PYGM: variants seen among roughly 807,000 people sequenced by gnomAD.
PYGM encodes glycogen phosphorylase, muscle associated.
A neutral mutation model predicts 99.3 loss-of-function variants in PYGM; 81 were observed. That is an observed-to-expected ratio of 0.82 (90% CI 0.68 to 0.98). PYGM has a LOEUF of 0.98. Ranked by LOEUF, PYGM falls within the 50% of genes least tolerant of loss-of-function variation. The pLI, the probability that PYGM is intolerant of heterozygous loss-of-function variation, is 0.00. For missense variants in PYGM, 1,030 were observed against 1,158.1 expected (o/e 0.89, Z 1.61); for synonymous variants, 436 against 451.5 (o/e 0.97, Z 0.44).
Position 64,752,458 on chromosome 11 carries a change from A to C in PYGM, c.1565T>G (p.Leu522Arg). The change falls in exon 13 of 20, where the codon CTG becomes CGG. Residue 522 changes from leucine (L) to arginine (R), a missense_variant. Leu to Arg is a moderately radical substitution (Grantham distance 102). Coordinates refer to ENST00000164139, the MANE Select transcript of PYGM (RefSeq NM_005609.4). Reference sequence around the variant, plus strand: ...AGCTTCATCATCCACAAAGGAGAGCAGTTTGCGCAGCTGGTCCAGGTCAGA... The same window carrying C: ...AGCTTCATCATCCACAAAGGAGAGCCGTTTGCGCAGCTGGTCCAGGTCAGA... The part of the protein sequence containing the change: ...FISDLDQLRK[L>R]LSFVDDEAFI... 1 of 1,614,254 alleles carries C rather than the reference A, an allele frequency of 6.2e-7. No individual in the cohort carries two copies. Among genetic ancestry groups the C allele is most frequent in the African/African-American group, 1.3e-5 (1 of 75,076 alleles).
rs764039101 is a variant in PYGM, at chr11:64,746,581, C to CCCTCT, written c.*73_*77dup. 1 of 1,579,220 alleles carries CCCTCT rather than the reference C, an allele frequency of 6.3e-7. No homozygotes were observed. The highest frequency in any genetic ancestry group is 8.7e-7 in the Non-Finnish European group (1 of 1,152,988). On this transcript the variant is annotated 3_prime_UTR_variant, in exon 20 of 20. Transcript: ENST00000164139. ...TTAGAGATCTAACTCCAGTACCCCA[C>CCCTCT]CCTCTGCATGAGGTGCTGGGGCTGG...
rs772653455 is a variant in PYGM, at chr11:64,757,904, C to T, written c.535G>A (p.Glu179Lys). 4.3e-5 allele frequency: 69 copies of T among 1,613,924 alleles called. No individual in the cohort carries two copies. The highest frequency in any genetic ancestry group is 4.1e-5 in the Non-Finnish European group (48 of 1,180,038). ...QKISGGWQME[E>K]ADDWLRYGNP... ...CCGTAGCGAAGCCAGTCATCGGCCT[C>T]CTCCATCTGCACCCAAGGCAGGTCA... The change falls in exon 5 of 20, where the codon GAG becomes AAG. Residue 179 changes from glutamate to lysine, a missense_variant. Physicochemically the swap from Glu to Lys is moderately conservative, Grantham distance 56. Transcript: ENST00000164139.
intron 16 of PYGM, 164 bp downstream of exon 16, chr11:64,751,161 G>A (rs985401245): frequency 2.5e-5 from 27 of 1,079,894 alleles, no homozygotes; most frequent in Non-Finnish European, 3.2e-5. Flanking sequence ...CAAAGTGCTG[G>A]GATTACAGGC....
At position 64,754,396 on chromosome 11, in the gene PYGM, T is replaced by C. The variant is rs761502605; in HGVS notation, c.1000-51A>G. ...GGGCTCCAAACCACATTCCATGCTA[T>C]GGTCACTGCCCTATGCCATTTGGAG... On this transcript the variant is annotated intron_variant, in intron 8 of 19. Coordinates refer to ENST00000164139, the MANE Select transcript of PYGM (RefSeq NM_005609.4). The surrounding 1 kb of genome is among the most constrained non-coding windows in gnomAD (Gnocchi z 5.5). 2 of 1,455,492 alleles carry C rather than the reference T, an allele frequency of 1.4e-6. No individual in the cohort carries two copies. The highest frequency in any genetic ancestry group is 2.3e-5 in the East Asian group (1 of 43,956). The allele number at this position is 1,455,492 out of a possible 1,614,324, so 90.2% of individuals were successfully genotyped here. A position where few individuals can be genotyped will look rare whatever the true frequency, so the allele number is the denominator to read the frequency against.
chr11:64,758,133 G>T (rs1490808371), intron 4 of PYGM, 113 bp downstream of exon 4: 4 of 1,406,598 alleles, frequency 2.8e-6, no homozygotes, highest in Non-Finnish European at 4.0e-6. Flanking sequence ...GAGCAGCAAG[G>T]ATGCTTTCCA....
In PYGM at chr11:64,746,670, C is replaced by T. The variant is rs896668027; in HGVS notation, c.2518G>A (p.Glu840Lys). Residue 840 changes from glutamate (E) to lysine (K), a missense_variant, in exon 20 of 20, where the codon GAG becomes AAG. By Grantham distance (56) the Glu-to-Lys change is moderately conservative (BLOSUM62 1). Transcript: ENST00000164139. ...TCTGGTCTGGAGGCTCAGATGGCCT[C>T]ATCCGGGGCTGGCAGGCGCTGGCGG... ...PSRQRLPAPDEAI is the reference protein window; with the variant it reads ...PSRQRLPAPDKAI The T allele has an allele frequency of 4.3e-6, 7 of 1,614,200 alleles. No individual in the cohort carries two copies. The highest frequency in any genetic ancestry group is 5.9e-6 in the Non-Finnish European group (7 of 1,180,042).
Position 64,755,625 on chromosome 11 carries a change from GACTCA to G in PYGM, c.661-72_661-68del. The G allele has an allele frequency of 1.6e-6, 2 of 1,264,986 alleles. No individual in the cohort carries two copies. Among genetic ancestry groups the G allele is most frequent in the Non-Finnish European group, 2.3e-6 (2 of 874,820 alleles). 78.4% of individuals were successfully genotyped at this position (1,264,986 alleles called of 1,614,324 possible). On this transcript the variant is annotated intron_variant, in intron 5 of 19. Coordinates refer to ENST00000164139, the MANE Select transcript of PYGM (RefSeq NM_005609.4). This position sits in a 1 kb window ranked among gnomAD's most constrained non-coding sequence, Gnocchi z 4.1. ...ATTGCCTCCCTCCCCTCAGGGCTGG[GACTCA>G]AGGCTTTATCCCTGCACTCTGCAGA... is the stretch of plus-strand genomic sequence containing the variant.
intron 18 of PYGM, 69 bp from the exon 19 acceptor site, chr11:64,747,056 C>T: frequency 6.3e-7 from 1 of 1,585,180 alleles, no homozygotes; most frequent in Non-Finnish European, 8.7e-7. Flanking sequence ...AGGTCAAGGG[C>T]CAAGCCTGCC....
At chr11:64,751,006 T>C (rs2058351914) in intron 16 of PYGM, 1 of 407,370 alleles carries the variant, frequency 2.5e-6, no homozygotes, top group Non-Finnish European at 4.6e-6. Context: ...ATTCTCCTGC[T>C]TCAGCCTCCC....
rs767125939 is a variant in PYGM at position 64,753,148 on chromosome 11, C to G, written c.1443G>C (p.Gln481His). Residue 481 changes from glutamine to histidine, a missense_variant, in exon 12 of 20, where the codon CAG becomes CAC. Coordinates refer to ENST00000164139, the MANE Select transcript of PYGM (RefSeq NM_005609.4). Reference protein sequence around the residue: ...DFYELEPHKFQNKTNGITPRR... With the variant: ...DFYELEPHKFHNKTNGITPRR... ...GAGGGGTGATGCCGTTGGTCTTATTCTGGAACTTATGAGGCTCCAGCTCAT... is the reference window on the plus strand; with the variant it reads ...GAGGGGTGATGCCGTTGGTCTTATTGTGGAACTTATGAGGCTCCAGCTCAT... The G allele has an allele frequency of 6.2e-7, 1 of 1,614,002 alleles. No individual in the cohort carries two copies. The highest frequency in any genetic ancestry group is 1.7e-5 in the Admixed American group (1 of 60,024).
Position 64,755,456 on chromosome 11 carries a change from G to A in PYGM, c.763C>T (p.Leu255Phe), listed in dbSNP as rs1345108981. ...CAGTGGATGAACTCACAGTCCTTGA[G>A]GTTGAAGTCATTGGGAGCCTTGGCA... ...WSAKAPNDFN[L>F]KDFNVGGYIQ... Residue 255 changes from leucine (L) to phenylalanine (F), a missense_variant, in exon 6 of 20, where the codon CTC (leucine) becomes TTC (phenylalanine). Leu to Phe is a conservative substitution (Grantham distance 22). Transcript: ENST00000164139. The surrounding 1 kb of genome is among the most constrained non-coding windows in gnomAD (Gnocchi z 4.1). 2.5e-6 allele frequency: 4 copies of A among 1,613,966 alleles called. No homozygotes were observed. The highest frequency in any genetic ancestry group is 3.4e-6 in the Non-Finnish European group (4 of 1,179,938).
Position 64,755,681 on chromosome 11 carries a change from T to A in PYGM, c.661-123A>T. 1.3e-6 allele frequency: 1 copy of A among 755,638 alleles called. No individual in the cohort carries two copies. The highest frequency in any genetic ancestry group is 2.2e-6 in the Non-Finnish European group (1 of 446,286). 46.8% of individuals were successfully genotyped at this position (755,638 alleles called of 1,614,324 possible). On this transcript the variant is annotated intron_variant, in intron 5 of 19. Transcript: ENST00000164139. This position sits in a 1 kb window ranked among gnomAD's most constrained non-coding sequence, Gnocchi z 4.1. Reference sequence around the variant, plus strand: ...CCCAGGCTCTTGTCCTTGTCTAGCATCGATGAGCTGGGTAACCATGAGCAA... The same window carrying A: ...CCCAGGCTCTTGTCCTTGTCTAGCAACGATGAGCTGGGTAACCATGAGCAA...
chr11:64,749,878 C>T (rs1405572429), intron 17 of PYGM, among the ~76,000 whole-genome samples: 2 of 150,878 alleles, frequency 1.3e-5, no homozygotes, highest in African/African-American at 2.4e-5. Flanking sequence ...CTGCAAGCTC[C>T]GCCTCCTGGA....
chr11:64,752,275 A>G, intron 13 of PYGM, 128 bp downstream of exon 13: 1 of 1,347,662 alleles, frequency 7.4e-7, no homozygotes, highest in Non-Finnish European at 1.1e-6. Flanking sequence ...CACAGACTCC[A>G]GGCAACTTCC....
Position 64,754,078 on chromosome 11 carries a change from TCA to T in PYGM, c.1093-55_1093-54del. The T allele has an allele frequency of 6.3e-7, 1 of 1,599,760 alleles. No homozygotes were observed. Among genetic ancestry groups the T allele is most frequent in the Non-Finnish European group, 8.5e-7 (1 of 1,173,224 alleles). ...GCTGACCTCAGCCCAGTGGGTCTCC[TCA>T]CACACTACGCATCCCAGTGGGCCCC... On this transcript the variant is annotated intron_variant, in intron 9 of 19. Coordinates refer to ENST00000164139, the MANE Select transcript of PYGM (RefSeq NM_005609.4). This position sits in a 1 kb window ranked among gnomAD's most constrained non-coding sequence, Gnocchi z 5.5.
Position 64,751,315 on chromosome 11 carries a change from C to A in PYGM, c.1969+10G>T. The A allele has an allele frequency of 1.2e-6, 2 of 1,614,116 alleles. No homozygotes were observed. Among genetic ancestry groups the A allele is most frequent in the Non-Finnish European group, 1.7e-6 (2 of 1,180,002 alleles). ...AGAGCCTCCCTAGGGTCCCTGTTGG[C>A]AGCACCCACCTTTCTCGGCCAGTGA... On this transcript the variant is annotated intron_variant, in intron 16 of 19. Coordinates refer to ENST00000164139, the MANE Select transcript of PYGM (RefSeq NM_005609.4).
At chr11:64,750,320 C>T (rs1265674363) in intron 17 of PYGM, 56 bp downstream of exon 17, 5 of 1,597,356 alleles carry the variant, frequency 3.1e-6, no homozygotes, top group African/African-American at 2.7e-5. Flanking sequence ...CTCCCAGCAC[C>T]ACTCTCCAGC....
chr11:64,754,471 A>G lies in PYGM; in HGVS notation c.1000-126T>C. 1.5e-6 allele frequency: 1 copy of G among 647,808 alleles called. No homozygotes were observed. The highest frequency in any genetic ancestry group is 2.3e-6 in the Non-Finnish European group (1 of 442,092). The allele number at this position is 647,808 out of a possible 1,614,324, so 40.1% of individuals were successfully genotyped here. ...CTGTGACTGGGCTGTGGGCAGAGGC[A>G]GGCCGGTGCTCATGGGGGTGGGAGG... On this transcript the variant is annotated intron_variant, in intron 8 of 19. Coordinates refer to ENST00000164139, the MANE Select transcript of PYGM (RefSeq NM_005609.4). This position sits in a 1 kb window ranked among gnomAD's most constrained non-coding sequence, Gnocchi z 5.5.
chr11:64,753,560 G>C lies in PYGM; in HGVS notation c.1362C>G (p.Asn454Lys). ...HLCIAGSHAVNGVARIHSEIL... is the reference protein window; with the variant it reads ...HLCIAGSHAVKGVARIHSEIL... ...TCTCGGAGTGGATGCGCGCCACGCC[G>C]TTGACGGCGTGCGACCCCGCGATGC... is the stretch of plus-strand genomic sequence containing the variant. Residue 454 changes from asparagine (N) to lysine (K), a missense_variant, in exon 11 of 20, where the codon AAC (asparagine) becomes AAG (lysine). Physicochemically the swap from Asn to Lys is moderately conservative, Grantham distance 94 (BLOSUM62 0). Transcript: ENST00000164139. 1 of 1,601,478 alleles carries C rather than the reference G, an allele frequency of 6.2e-7. No homozygotes were observed. The highest frequency in any genetic ancestry group is 8.5e-7 in the Non-Finnish European group (1 of 1,176,844).
Sources: gnomAD v4.1 joint callset for allele counts (sites outside exome capture counted in the v4.1 genomes callset) on GRCh38, gnomAD v4.1.1 for gene constraint, Gnocchi (gnomAD v3.1) non-coding constraint, MANE v1.5 for transcripts, NCBI Gene and HGNC (gene_info 2026-07-23, HGNC 2026-07-21) for gene names.